NR6A1: variants seen among roughly 807,000 people sequenced by gnomAD.
NR6A1 encodes the protein retinoic acid receptor-related testis-associated receptor.
NR6A1 carries 7 observed loss-of-function variants against 59.1 expected under a neutral mutation model. The ratio of observed to expected loss-of-function variants is 0.12; its 90% CI spans 0.07 to 0.22. The LOEUF (loss-of-function observed/expected upper bound fraction) is 0.22. Among genes scored for constraint, NR6A1 ranks in the 10% least tolerant of loss-of-function variants. NR6A1 has a pLI of 1.00. For missense variants in NR6A1, 468 were observed against 611.6 expected (o/e 0.77, Z 2.48); for synonymous variants, 243 against 236.1 (o/e 1.03, Z -0.27).
intron 2 of NR6A1, among the ~76,000 whole-genome samples, chr9:124,640,104 G>A (rs950098316): frequency 5.3e-5 from 8 of 152,232 alleles, no homozygotes; most frequent in Middle Eastern, 3.4e-3. Flanking sequence ...CATCCATGGC[G>A]TCCTAGGGTC....
intron 2 of NR6A1, among the ~76,000 whole-genome samples, chr9:124,704,212 T>C (rs1355994724): frequency 6.6e-6 from 1 of 152,216 alleles, no homozygotes; most frequent in Non-Finnish European, 1.5e-5. Flanking sequence ...TGGGTAATAA[T>C]GTCCTTTCAT....
At chr9:124,636,208 T>C (rs1396294913) in intron 2 of NR6A1, among the ~76,000 whole-genome samples, 1 of 152,256 alleles carries the variant, frequency 6.6e-6, no homozygotes, top group Non-Finnish European at 1.5e-5. Context: ...AAATTATGTC[T>C]TTATTATTGA....
In NR6A1 at chr9:124,771,068, C is replaced by T; in HGVS notation, c.52G>A (p.Ala18Thr). The T allele has an allele frequency of 8.1e-7, 1 of 1,230,664 alleles. No individual in the cohort carries two copies. The highest frequency in any genetic ancestry group is 1.0e-6 in the Non-Finnish European group (1 of 987,242). 76.2% of individuals were successfully genotyped at this position (1,230,664 alleles called of 1,614,324 possible). The change falls in exon 1 of 10, where the codon GCG becomes ACG. Residue 18 changes from alanine (A) to threonine (T), a missense_variant. By Grantham distance (58) the Ala-to-Thr change is moderately conservative. Around this residue, in one of 4 missense-constraint regions of NR6A1, gnomAD observed 75 missense variants for 65.6 expected, o/e 1.14. Transcript: ENST00000487099. ...PSGGGGGGGS[A>T]GFLEPPAALP... ...GCGGCGGGAGGCTCCAGGAACCCCG[C>T]CGAGCCCCCGCCGCCTCCCCCTCCG...
chr9:124,729,864 G>A (rs1178154050), intron 2 of NR6A1, among the ~76,000 whole-genome samples: 1 of 150,480 alleles, frequency 6.6e-6, no homozygotes, highest in Non-Finnish European at 1.5e-5. Flanking sequence ...CCAGGCTGGA[G>A]TGCAATGGCA....
At chr9:124,679,789 T>C (rs192238406) in intron 2 of NR6A1, among the ~76,000 whole-genome samples, 69 of 151,386 alleles carry the variant, frequency 4.6e-4, no homozygotes, top group African/African-American at 1.5e-3. Flanking sequence ...CTCAGCTTCA[T>C]GGGTGGCTAA....
intron 2 of NR6A1, among the ~76,000 whole-genome samples, chr9:124,674,155 T>C (rs190211127): frequency 2.0e-4 from 30 of 152,314 alleles, no homozygotes; most frequent in Admixed American, 2.0e-3. Flanking sequence ...AAGTGCTCCA[T>C]AAATGTTAGC....
chr9:124,523,691 A>G (rs1008050790), intron 9 of NR6A1, among the ~76,000 whole-genome samples: 8 of 152,178 alleles, frequency 5.3e-5, no homozygotes, highest in African/African-American at 1.9e-4. Context: ...ACAAACTGTC[A>G]AAATATCCCT....
chr9:124,700,393 A>AT lies in NR6A1; in HGVS notation c.142+32914dup, dbSNP rs199555054. ...CATTTTTTTAAATTTTTTAATTTTTATTTTTTTAGTAAAGATGGGGTTTCA... is the reference window on the plus strand; with the variant it reads ...CATTTTTTTAAATTTTTTAATTTTTATTTTTTTTAGTAAAGATGGGGTTTCA... On this transcript the variant is annotated intron_variant, in intron 2 of 9. Transcript: ENST00000487099. 7.6e-4 allele frequency among the ~76,000 whole-genome samples: 115 copies of AT among 150,608 alleles called. 3 individuals are homozygous for AT. In the East Asian group the frequency reaches 0.016, roughly 21 times the overall value.
Position 124,641,496 on chromosome 9 carries a change from G to A in NR6A1, c.143-86926C>T, listed in dbSNP as rs142734841. Among the ~76,000 whole-genome samples the A allele has an allele frequency of 1.1e-3, 162 of 152,192 alleles. 3 individuals are homozygous for A. Among genetic ancestry groups the A allele is most frequent in the South Asian group, 6.8e-3 (33 of 4,822 alleles). ...GCAGGAAGACTGCTTGAGCTCAGGAGTTTGAGACCAGCCTGGGAAACATAG... is the reference window on the plus strand; with the variant it reads ...GCAGGAAGACTGCTTGAGCTCAGGAATTTGAGACCAGCCTGGGAAACATAG... On this transcript the variant is annotated intron_variant, in intron 2 of 9. Transcript: ENST00000487099.
At chr9:124,598,242 C>G (rs548164442) in intron 2 of NR6A1, among the ~76,000 whole-genome samples, 1 of 151,894 alleles carries the variant, frequency 6.6e-6, no homozygotes, top group East Asian at 1.9e-4. Context: ...GAGGCTGAGG[C>G]AGGAGGATGG....
chr9:124,754,956 G>C (rs1564268830), intron 1 of NR6A1, among the ~76,000 whole-genome samples: 1 of 151,824 alleles, frequency 6.6e-6, no homozygotes, highest in Non-Finnish European at 1.5e-5. Context: ...CCACTCAACT[G>C]TCAAAAAAAT....
chr9:124,722,913 A>G (rs1839603771), intron 2 of NR6A1, among the ~76,000 whole-genome samples: 1 of 151,634 alleles, frequency 6.6e-6, no homozygotes, highest in African/African-American at 2.4e-5. Context: ...CTGGTCTCAA[A>G]CTCCTAGGCT....
chr9:124,659,346 T>G (rs1837359064), intron 2 of NR6A1, among the ~76,000 whole-genome samples: 1 of 152,212 alleles, frequency 6.6e-6, no homozygotes, highest in Admixed American at 6.5e-5. Context: ...GTGACTAGAT[T>G]CTGAAACTGC....
At chr9:124,730,645 T>C (rs1839855800) in intron 2 of NR6A1, among the ~76,000 whole-genome samples, 1 of 148,960 alleles carries the variant, frequency 6.7e-6, no homozygotes, top group Non-Finnish European at 1.5e-5. Context: ...AATAGAGAGG[T>C]CTATAAATTG....
chr9:124,589,302 C>T lies in NR6A1; in HGVS notation c.143-34732G>A, dbSNP rs547372506. Among the ~76,000 whole-genome samples, 11 of 151,272 alleles carry T rather than the reference C, an allele frequency of 7.3e-5. No homozygotes were observed. The East Asian group carries it at 2.0e-3, about 27-fold the overall frequency. ...TCTACTAAAAACACAAAAAATTAGC[C>T]GGGCGCGGTGGCGGGCGCCTGTAGT... On this transcript the variant is annotated intron_variant, in intron 2 of 9. Transcript: ENST00000487099.
At chr9:124,682,392 C>A (rs1371724880) in intron 2 of NR6A1, among the ~76,000 whole-genome samples, 1 of 152,098 alleles carries the variant, frequency 6.6e-6, no homozygotes, top group Non-Finnish European at 1.5e-5. Context: ...ATTAAAAAAT[C>A]TTTTTTTATA....
intron 6 of NR6A1, among the ~76,000 whole-genome samples, chr9:124,537,870 T>C (rs1229516435): frequency 6.6e-6 from 1 of 152,128 alleles, no homozygotes; most frequent in Non-Finnish European, 1.5e-5. Flanking sequence ...CTCAATTCCA[T>C]AGGAACTGGA....
At chr9:124,590,580 T>G (rs1365111464) in intron 2 of NR6A1, among the ~76,000 whole-genome samples, 3 of 152,238 alleles carry the variant, frequency 2.0e-5, no homozygotes, top group Non-Finnish European at 4.4e-5. Context: ...TTCCTAGTGC[T>G]TAGAAAATAG....
intron 3 of NR6A1, among the ~76,000 whole-genome samples, chr9:124,547,317 G>A (rs1833628391): frequency 6.6e-6 from 1 of 152,094 alleles, no homozygotes; most frequent in Admixed American, 6.5e-5. Context: ...ACCTGTCGGT[G>A]GTGCCTTTGG....
Sources: allele counts gnomAD v4.1 joint callset (sites outside exome capture counted in the v4.1 genomes callset), GRCh38; gene constraint gnomAD v4.1.1; regional missense constraint gnomAD v4.1.1; transcripts MANE v1.5; gene names NCBI Gene and HGNC (gene_info 2026-07-23, HGNC 2026-07-21).